SNAP25: variants seen among roughly 807,000 people sequenced by gnomAD.
The protein encoded by SNAP25 is synaptosomal-associated protein 25.
In SNAP25, 3 loss-of-function variants were observed where a neutral mutation model predicts 28.7. That is an observed-to-expected ratio of 0.10 (90% confidence interval 0.05 to 0.27). The LOEUF (loss-of-function observed/expected upper bound fraction) is 0.27. SNAP25 is among the 10% of genes least tolerant of loss of function. The pLI is 1.00. For missense variants in SNAP25, 117 were observed against 278.7 expected (o/e 0.42, Z 4.13); for synonymous variants, 61 against 88.1 (o/e 0.69, Z 1.72).
intron 1 of SNAP25, among the ~76,000 whole-genome samples, chr20:10,270,114 G>A (rs923826967): frequency 2.0e-5 from 3 of 152,000 alleles, no homozygotes; most frequent in African/African-American, 4.8e-5. Context: ...TTAGCCTGGC[G>A]TGGTGGTGCA....
chr20:10,253,568 C>T (rs2063267414), intron 1 of SNAP25, among the ~76,000 whole-genome samples: 1 of 152,202 alleles, frequency 6.6e-6, no homozygotes, highest in Non-Finnish European at 1.5e-5. Context: ...TCTACATGCT[C>T]AGGGATCATC....
At chr20:10,232,900 G>T (rs908896771) in intron 1 of SNAP25, among the ~76,000 whole-genome samples, 1 of 152,000 alleles carries the variant, frequency 6.6e-6, no homozygotes, top group Non-Finnish European at 1.5e-5. Flanking sequence ...CCCCTTTCCC[G>T]CAATAACATC....
rs1397243159 is a variant in SNAP25 at position 10,236,963 on chromosome 20, A to AATAC, written c.-64+17989_-64+17990insCATA. On this transcript the variant is annotated intron_variant, in intron 1 of 7. Transcript: ENST00000254976. ...CTGAGCCTCCAAAGGAAAATACATA[A>AATAC]ATAAATAAATAAATAAATAAATAAA... Among the ~76,000 whole-genome samples, 384 of 143,896 alleles carry AATAC rather than the reference A, an allele frequency of 2.7e-3. 1 individual carries two copies. Among genetic ancestry groups the AATAC allele is most frequent in the African/African-American group, 9.3e-3 (346 of 37,386 alleles). The allele number at this position is 143,896 out of a possible 152,430, so 94.4% of individuals were successfully genotyped here.
intron 5 of SNAP25, among the ~76,000 whole-genome samples, chr20:10,294,017 G>A (rs2064052323): frequency 6.6e-6 from 1 of 152,228 alleles, no homozygotes; most frequent in South Asian, 2.1e-4. Flanking sequence ...TAGCAGAAAT[G>A]TGACATGTGG....
At chr20:10,297,573 G>A (rs1600786225) in intron 6 of SNAP25, among the ~76,000 whole-genome samples, 2 of 152,234 alleles carry the variant, frequency 1.3e-5, no homozygotes, top group East Asian at 3.8e-4. Context: ...GCAATAGCAG[G>A]AAGTTGTTAC....
chr20:10,257,551 A>G (rs2063340622), intron 1 of SNAP25, among the ~76,000 whole-genome samples: 1 of 152,194 alleles, frequency 6.6e-6, no homozygotes, highest in Non-Finnish European at 1.5e-5. Context: ...CGTCTCTACT[A>G]AAAATACAAA....
intron 1 of SNAP25, among the ~76,000 whole-genome samples, chr20:10,273,388 C>A (rs898954983): frequency 6.6e-6 from 1 of 152,174 alleles, no homozygotes; most frequent in East Asian, 1.9e-4. Context: ...TAGTGTAACA[C>A]AGGCTGCTAT....
At chr20:10,273,036 G>A (rs1291977259) in intron 1 of SNAP25, among the ~76,000 whole-genome samples, 2 of 152,130 alleles carry the variant, frequency 1.3e-5, no homozygotes, top group Non-Finnish European at 2.9e-5. Flanking sequence ...GAAAGCAATA[G>A]AATCGTGGAC....
At chr20:10,230,492 G>T (rs1260001183) in intron 1 of SNAP25, among the ~76,000 whole-genome samples, 3 of 152,120 alleles carry the variant, frequency 2.0e-5, no homozygotes, top group Non-Finnish European at 2.9e-5. Flanking sequence ...TCAAACTATG[G>T]TGTTTAGCAG....
At chr20:10,261,363 A>C (rs6074113) in intron 1 of SNAP25, among the ~76,000 whole-genome samples, 75,673 of 151,850 alleles carry the variant, frequency 0.5, 19,288 homozygotes, top group East Asian at 0.69. Flanking sequence ...CTGAGCCACC[A>C]CACCCTAGAC....
intron 3 of SNAP25, among the ~76,000 whole-genome samples, chr20:10,284,402 T>C (rs2063836156): frequency 6.6e-6 from 1 of 152,218 alleles, no homozygotes; most frequent in Admixed American, 6.5e-5. Flanking sequence ...GTAGACACGT[T>C]TATTTCCAAA....
At chr20:10,265,617 C>G (rs2063493302) in intron 1 of SNAP25, among the ~76,000 whole-genome samples, 1 of 152,168 alleles carries the variant, frequency 6.6e-6, no homozygotes, top group Non-Finnish European at 1.5e-5. Context: ...CCCTCCAGTG[C>G]AGGGCACCAT....
At chr20:10,268,113 C>T (rs2063534832) in intron 1 of SNAP25, among the ~76,000 whole-genome samples, 2 of 152,098 alleles carry the variant, frequency 1.3e-5, no homozygotes, top group African/African-American at 4.8e-5. Context: ...AGCAAGCCCT[C>T]CGTAAGTGTT....
intron 7 of SNAP25, among the ~76,000 whole-genome samples, chr20:10,305,579 C>T (rs769882886): frequency 5.5e-4 from 84 of 152,118 alleles, no homozygotes; most frequent in Non-Finnish European, 8.8e-4. Context: ...AAAAGTGGAT[C>T]CACACCATTC....
chr20:10,256,956 C>A (rs2063328466), intron 1 of SNAP25, among the ~76,000 whole-genome samples: 1 of 152,160 alleles, frequency 6.6e-6, no homozygotes, highest in Admixed American at 6.5e-5. Context: ...ATATCTGATT[C>A]TTTAACAAAT....
chr20:10,290,279 C>T (rs1326845211), intron 4 of SNAP25, among the ~76,000 whole-genome samples: 1 of 152,072 alleles, frequency 6.6e-6, no homozygotes, highest in Non-Finnish European at 1.5e-5. Flanking sequence ...AAAATGACTC[C>T]ACAATATTTT....
At chr20:10,229,568 A>T (rs1191418750) in intron 1 of SNAP25, among the ~76,000 whole-genome samples, 1 of 152,198 alleles carries the variant, frequency 6.6e-6, no homozygotes, top group East Asian at 1.9e-4. Context: ...TAAAGCAATG[A>T]CTTCAAATTC....
chr20:10,222,339 G>A (rs1178411201), intron 1 of SNAP25, among the ~76,000 whole-genome samples: 2 of 152,248 alleles, frequency 1.3e-5, no homozygotes, highest in Admixed American at 1.3e-4. Context: ...TCAGGAGGGC[G>A]ATATCGCAGT....
At chr20:10,269,784 T>G (rs944210167) in intron 1 of SNAP25, among the ~76,000 whole-genome samples, 14 of 152,350 alleles carry the variant, frequency 9.2e-5, no homozygotes, top group African/African-American at 3.1e-4. Flanking sequence ...TTGAATTTCA[T>G]ATAATTTTCA....
Sources: allele counts gnomAD v4.1 joint callset (sites outside exome capture counted in the v4.1 genomes callset), GRCh38; gene constraint gnomAD v4.1.1; transcripts MANE v1.5; gene names NCBI Gene and HGNC (gene_info 2026-07-23, HGNC 2026-07-21).